PDE1C: variants seen among roughly 807,000 people sequenced by gnomAD.
PDE1C encodes the protein dual specificity calcium/calmodulin-dependent 3',5'-cyclic nucleotide phosphodiesterase 1C.
Under a neutral mutation model 93.1 loss-of-function variants are expected in PDE1C, and 62 were observed. That is an observed-to-expected ratio of 0.67 (90% CI 0.54 to 0.82). The LOEUF (loss-of-function observed/expected upper bound fraction) is 0.82. Among genes scored for constraint, PDE1C ranks in the 40% least tolerant of loss-of-function variants. The pLI is 0.00. For missense variants in PDE1C, 742 were observed against 884.6 expected, an observed-to-expected ratio of 0.84 and a Z score of 2.04; for synonymous variants, 325 against 310.1, an observed-to-expected ratio of 1.05 and a Z score of -0.50.
chr7:31,863,589 T>C (rs1172662131), intron 7 of PDE1C, among the ~76,000 whole-genome samples: 3 of 152,184 alleles, frequency 2.0e-5, no homozygotes, highest in Non-Finnish European at 4.4e-5. Flanking sequence ...ACTTTAAAGA[T>C]AGTGTTTTAA....
At chr7:32,300,245 G>A (rs995033657), upstream of PDE1C, among the ~76,000 whole-genome samples, 3 of 152,130 alleles carry the variant, frequency 2.0e-5, no homozygotes, top group African/African-American at 7.2e-5. Context: ...TAAAGAAATG[G>A]AATTGTGTCA....
intron 1 of PDE1C, among the ~76,000 whole-genome samples, chr7:32,291,859 T>C (rs1430889328): frequency 6.6e-6 from 1 of 152,166 alleles, no homozygotes; most frequent in Admixed American, 6.5e-5. Flanking sequence ...TTAACCAGTT[T>C]GTTTACAGAT....
intron 2 of PDE1C, among the ~76,000 whole-genome samples, chr7:31,907,956 TG>T (rs1201303626): frequency 3.4e-5 from 5 of 146,284 alleles, no homozygotes; most frequent in African/African-American, 1.3e-4. Context: ...AAGAACAGAA[TG>T]AAAAAAAAGG....
chr7:31,760,432 T>G (rs2128606612), intron 17 of PDE1C, among the ~76,000 whole-genome samples: 1 of 152,306 alleles, frequency 6.6e-6, no homozygotes, highest in Admixed American at 6.5e-5. Flanking sequence ...GGGTCTGGCC[T>G]CATTCCCTTG....
chr7:31,649,867 T>C, the PDE1C span, among the ~76,000 whole-genome samples: 2 of 152,294 alleles, frequency 1.3e-5, no homozygotes, highest in African/African-American at 4.8e-5. Context: ...CAGATTGTGT[T>C]CAGCAACTAC....
At chr7:32,192,586 A>G (rs759431771) in intron 2 of PDE1C, among the ~76,000 whole-genome samples, 2 of 152,080 alleles carry the variant, frequency 1.3e-5, no homozygotes, top group Non-Finnish European at 2.9e-5. Flanking sequence ...ATCTTGATCA[A>G]TGTAGTTATA....
At chr7:32,262,472 G>A (rs964041442) in intron 1 of PDE1C, among the ~76,000 whole-genome samples, 6 of 152,202 alleles carry the variant, frequency 3.9e-5, no homozygotes, top group Non-Finnish European at 7.3e-5. Context: ...GCAGCCTGCC[G>A]TGTAGCAGGG....
At chr7:32,320,687 A>AT (rs1443662022) in intron 1 of PDE1C, among the ~76,000 whole-genome samples, 3 of 152,162 alleles carry the variant, frequency 2.0e-5, no homozygotes, top group Non-Finnish European at 1.5e-5. Context: ...ATATGTGTTA[A>AT]TTTTCATATG....
chr7:32,219,096 G>A (rs1806644737), intron 1 of PDE1C, among the ~76,000 whole-genome samples: 2 of 152,232 alleles, frequency 1.3e-5, no homozygotes, highest in Non-Finnish European at 2.9e-5. Context: ...ACCAGGCCCT[G>A]ACTTCAGGAA....
chr7:32,291,570 G>T (rs1445659577), intron 1 of PDE1C, among the ~76,000 whole-genome samples: 1 of 152,226 alleles, frequency 6.6e-6, no homozygotes, highest in Non-Finnish European at 1.5e-5. Flanking sequence ...GTTTAGCTCA[G>T]TGGTTATTAA....
chr7:31,868,780 A>C (rs1562946204), intron 6 of PDE1C, among the ~76,000 whole-genome samples: 2 of 152,154 alleles, frequency 1.3e-5, no homozygotes, highest in African/African-American at 4.8e-5. Flanking sequence ...AAAATTCTAA[A>C]AACAGCAAGA....
intron 1 of PDE1C, among the ~76,000 whole-genome samples, chr7:32,384,142 C>T (rs1223824274): frequency 6.6e-6 from 1 of 152,154 alleles, no homozygotes; most frequent in Non-Finnish European, 1.5e-5. Context: ...TTGGAGCTCA[C>T]CAGGTATTTA....
chr7:32,411,339 G>A (rs1785165600), intron 1 of PDE1C, among the ~76,000 whole-genome samples: 1 of 152,192 alleles, frequency 6.6e-6, no homozygotes, highest in African/African-American at 2.4e-5. Flanking sequence ...AACCTAGACA[G>A]TATAGCCTAC....
intron 1 of PDE1C, among the ~76,000 whole-genome samples, chr7:32,282,135 T>G (rs1811675345): frequency 6.7e-6 from 1 of 148,384 alleles, no homozygotes; most frequent in Non-Finnish European, 1.5e-5. Flanking sequence ...TGTGCACATG[T>G]ACCCTAGAAC....
At chr7:32,109,260 G>C (rs976032507) in intron 3 of PDE1C, among the ~76,000 whole-genome samples, 3 of 152,108 alleles carry the variant, frequency 2.0e-5, no homozygotes, top group Non-Finnish European at 4.4e-5. Context: ...TTTAAATCAT[G>C]GTAGAGCCAT....
intron 1 of PDE1C, among the ~76,000 whole-genome samples, chr7:32,315,235 A>G (rs1274338767): frequency 1.3e-5 from 2 of 151,988 alleles, no homozygotes; most frequent in Admixed American, 6.6e-5. Flanking sequence ...CAAAAAGTTT[A>G]AATCAGATGT....
rs541040026 is a variant in PDE1C at position 32,184,909 on chromosome 7, C to G, written c.137-14953G>C. 8.5e-4 allele frequency among the ~76,000 whole-genome samples: 130 copies of G among 152,184 alleles called. 1 individual carries two copies. In the South Asian group the frequency reaches 0.025, roughly 30 times the overall value. On this transcript the variant is annotated intron_variant, in intron 2 of 18. Coordinates refer to the PDE1C transcript ENST00000396193. ...GGTGGATCACCTGAGGTCAGGAGTT[C>G]GAGAGCAGCCTGACCAACGTGGAGA...
intron 1 of PDE1C, among the ~76,000 whole-genome samples, chr7:32,358,881 T>TTGTGTGTGTGTGTGTGTGTGTGTG (rs66808716): frequency 1.4e-5 from 2 of 147,566 alleles, no homozygotes; most frequent in Non-Finnish European, 3.0e-5. Flanking sequence ...TCATCTAACA[T>TTGTGTGTGTGTGTGTGTGTGTGTG]TGTGTGTGTG....
intron 5 of PDE1C, among the ~76,000 whole-genome samples, chr7:31,876,156 G>A (rs563156394): frequency 1.3e-5 from 2 of 151,994 alleles, no homozygotes; most frequent in South Asian, 4.1e-4. Context: ...AACAAAATCA[G>A]CCTCTGGAGA....
Sources: gnomAD v4.1 joint callset for allele counts (sites outside exome capture counted in the v4.1 genomes callset) on GRCh38, gnomAD v4.1.1 for gene constraint, MANE v1.5 for transcripts, NCBI Gene and HGNC (gene_info 2026-07-23, HGNC 2026-07-21) for gene names.